Variants in THADA observed in about 807,000 individuals in gnomAD.
The protein encoded by THADA is THADA armadillo repeat containing.
Under a neutral mutation model 219.8 loss-of-function variants are expected in THADA, and 213 were observed. That is an observed-to-expected ratio of 0.97 (90% CI 0.87 to 1.09). The LOEUF (loss-of-function observed/expected upper bound fraction) is 1.09. THADA is among the 50% of genes least tolerant of loss of function. The pLI is 0.00. For missense variants in THADA, 2,956 were observed against 2,311.3 expected (o/e 1.28, Z -5.72); for synonymous variants, 1,018 against 828.9 (o/e 1.23, Z -3.92).
intron 22 of THADA, among the ~76,000 whole-genome samples, chr2:43,516,662 G>C (rs759621588): frequency 6.6e-6 from 1 of 152,122 alleles, no homozygotes; most frequent in African/African-American, 2.4e-5. Flanking sequence ...TAGCAAGTAC[G>C]TGGCAGAGGG....
chr2:43,256,531 C>A (rs1670330579), intron 36 of THADA, among the ~76,000 whole-genome samples: 1 of 151,780 alleles, frequency 6.6e-6, no homozygotes, highest in Non-Finnish European at 1.5e-5. Flanking sequence ...CCTACCTCAG[C>A]CTCCGAAGTA....
Position 43,398,079 on chromosome 2 carries a change from A to T in THADA, c.4119T>A (p.Phe1373Leu), listed in dbSNP as rs757565644. ...REMAARALVP[F>L]VMIDHIPNTI... ...TATTAGGAATGTGATCTATCATAACAAATGGGACCAAGGCACGAGCTGCCA... is the reference window on the plus strand; with the variant it reads ...TATTAGGAATGTGATCTATCATAACTAATGGGACCAAGGCACGAGCTGCCA... The change falls in exon 29 of 38, where the codon TTT (phenylalanine) becomes TTA (leucine). Residue 1373 changes from phenylalanine (F) to leucine (L), a missense_variant. Transcript: ENST00000405975. The T allele has an allele frequency of 3.1e-6, 5 of 1,614,018 alleles. No homozygotes were observed. The highest frequency in any genetic ancestry group is 4.2e-6 in the Non-Finnish European group (5 of 1,179,858).
chr2:43,401,033 C>T (rs1158892075), intron 28 of THADA, among the ~76,000 whole-genome samples: 1 of 152,078 alleles, frequency 6.6e-6, no homozygotes, highest in Non-Finnish European at 1.5e-5. Flanking sequence ...TAAAATAAAA[C>T]AAATACACTT....
chr2:43,348,845 C>G (rs13411485), intron 29 of THADA, among the ~76,000 whole-genome samples: 13,385 of 151,914 alleles, frequency 0.088, 714 homozygotes, highest in Admixed American at 0.13. Flanking sequence ...TAATTTATGT[C>G]GCAAAAAAGA....
chr2:43,315,582 CATCCTGAGT>C (rs1440708610), intron 31 of THADA, among the ~76,000 whole-genome samples: 1 of 152,100 alleles, frequency 6.6e-6, no homozygotes, highest in Non-Finnish European at 1.5e-5. Context: ...CCTGCCTCAG[CATCCTGAGT>C]ATCTGGGACT....
chr2:43,409,549 C>T (rs1002351075), intron 28 of THADA, among the ~76,000 whole-genome samples: 1 of 152,034 alleles, frequency 6.6e-6, no homozygotes, highest in Admixed American at 6.6e-5. Flanking sequence ...AGTCTGACAT[C>T]CTCCTTTGGT....
intron 16 of THADA, among the ~76,000 whole-genome samples, chr2:43,559,449 C>T (rs1001285807): frequency 1.3e-5 from 2 of 152,208 alleles, no homozygotes; most frequent in South Asian, 2.1e-4. Context: ...TGAACAACCA[C>T]AGCCTAGACC....
chr2:43,439,273 C>A (rs1277603569), intron 26 of THADA, among the ~76,000 whole-genome samples: 1 of 150,408 alleles, frequency 6.6e-6, no homozygotes, highest in African/African-American at 2.4e-5. Flanking sequence ...TTGAGAGAGA[C>A]GGAGAGAGAG....
intron 26 of THADA, among the ~76,000 whole-genome samples, chr2:43,441,944 G>A (rs1680891083): frequency 6.6e-6 from 1 of 152,150 alleles, no homozygotes; most frequent in Non-Finnish European, 1.5e-5. Flanking sequence ...TCCTATGGGA[G>A]ATACTAAGAG....
chr2:43,319,615 G>T (rs13415021), intron 31 of THADA, among the ~76,000 whole-genome samples: 1 of 152,136 alleles, frequency 6.6e-6, no homozygotes, highest in Non-Finnish European at 1.5e-5. Context: ...TGTATTTACC[G>T]AAGACAACAA....
chr2:43,447,387 T>C (rs1047444122), intron 26 of THADA, among the ~76,000 whole-genome samples: 7 of 152,120 alleles, frequency 4.6e-5, no homozygotes, highest in Non-Finnish European at 8.8e-5. Context: ...CTGCCTCCTT[T>C]GTATAGGCAA....
chr2:43,435,531 C>A (rs1292122873), intron 26 of THADA, among the ~76,000 whole-genome samples: 1 of 152,068 alleles, frequency 6.6e-6, no homozygotes, highest in African/African-American at 2.4e-5. Context: ...GCCTGCAATT[C>A]CAGCACTTTG....
chr2:43,536,473 T>G (rs982089692), intron 21 of THADA, among the ~76,000 whole-genome samples: 15 of 152,248 alleles, frequency 9.9e-5, no homozygotes, highest in African/African-American at 3.1e-4. Flanking sequence ...CAGTGATTTC[T>G]GTTCTTAAAA....
chr2:43,537,373 T>G (rs940692536), intron 21 of THADA, among the ~76,000 whole-genome samples: 2 of 152,210 alleles, frequency 1.3e-5, no homozygotes, highest in South Asian at 4.1e-4. Flanking sequence ...TTCTTTATTT[T>G]CCCACGATAT....
chr2:43,298,839 G>GAC (rs1675908832), intron 31 of THADA, among the ~76,000 whole-genome samples: 1 of 151,976 alleles, frequency 6.6e-6, no homozygotes, highest in Non-Finnish European at 1.5e-5. Context: ...AATGAAGGTA[G>GAC]ACATTCCTTT....
At chr2:43,414,403 T>C (rs1676688145) in intron 28 of THADA, among the ~76,000 whole-genome samples, 1 of 152,204 alleles carries the variant, frequency 6.6e-6, no homozygotes, top group Admixed American at 6.5e-5. Context: ...CAGAGATACA[T>C]GTCATTCTAT....
chr2:43,263,407 G>A (rs1032036938), intron 36 of THADA, among the ~76,000 whole-genome samples: 4 of 152,064 alleles, frequency 2.6e-5, no homozygotes, highest in African/African-American at 9.7e-5. Context: ...GATTGGGGGG[G>A]CATTTTAAAT....
intron 29 of THADA, among the ~76,000 whole-genome samples, chr2:43,376,021 T>C (rs1007256385): frequency 1.3e-5 from 2 of 152,180 alleles, no homozygotes; most frequent in African/African-American, 4.8e-5. Context: ...AGATAAACAT[T>C]GTGAAACCCT....
intron 36 of THADA, among the ~76,000 whole-genome samples, chr2:43,276,272 T>C (rs1388520903): frequency 2.0e-5 from 3 of 152,328 alleles, no homozygotes. Context: ...CTGATGTCCA[T>C]ACTTCTAAGG....
Sources: gnomAD v4.1 joint callset for allele counts (sites outside exome capture counted in the v4.1 genomes callset) on GRCh38, gnomAD v4.1.1 for gene constraint, MANE v1.5 for transcripts, NCBI Gene and HGNC (gene_info 2026-07-23, HGNC 2026-07-21) for gene names.